The following DOCK5 variants were observed in gnomAD, a reference collection of about 807,000 sequenced individuals.
DOCK5 encodes the protein dedicator of cytokinesis protein 5.
A neutral mutation model predicts 251.8 loss-of-function variants in DOCK5; 142 were observed. The ratio of observed to expected loss-of-function variants is 0.56; its 90% CI spans 0.49 to 0.65. DOCK5 has a LOEUF of 0.65. Ranked by LOEUF, DOCK5 falls within the 30% of genes least tolerant of loss-of-function variation. DOCK5 has a pLI of 0.00. For missense variants in DOCK5, 2,111 were observed against 2,312.3 expected, an observed-to-expected ratio of 0.91 and a Z score of 1.79; for synonymous variants, 842 against 835.5, an observed-to-expected ratio of 1.01 and a Z score of -0.13.
intron 1 of DOCK5, among the ~76,000 whole-genome samples, chr8:25,232,848 T>C (rs1563317737): frequency 6.6e-6 from 1 of 152,168 alleles, no homozygotes; most frequent in Non-Finnish European, 1.5e-5. Flanking sequence ...AGTACCCTCA[T>C]ATTCCAAGCT....
chr8:25,357,145 T>C (rs1455428001), intron 27 of DOCK5, among the ~76,000 whole-genome samples: 1 of 151,372 alleles, frequency 6.6e-6, no homozygotes, highest in Non-Finnish European at 1.5e-5. Context: ...CTGTTTAATT[T>C]AGAGAAAAGG....
intron 1 of DOCK5, among the ~76,000 whole-genome samples, chr8:25,225,236 T>G (rs1264339200): frequency 7.2e-5 from 11 of 152,204 alleles, no homozygotes. Context: ...ATCCAGCAAT[T>G]CCACTTCTAG....
chr8:25,239,143 A>G (rs1802876743), intron 1 of DOCK5, among the ~76,000 whole-genome samples: 1 of 152,164 alleles, frequency 6.6e-6, no homozygotes. Flanking sequence ...CAAACCATGG[A>G]CTGAGCTCAG....
intron 27 of DOCK5, among the ~76,000 whole-genome samples, chr8:25,353,843 G>T (rs1800514471): frequency 6.6e-6 from 1 of 151,856 alleles, no homozygotes; most frequent in Non-Finnish European, 1.5e-5. Context: ...GGCCAACATG[G>T]TGAAACTCTG....
intron 40 of DOCK5, among the ~76,000 whole-genome samples, chr8:25,388,374 T>A (rs2117314555): frequency 6.6e-6 from 1 of 152,350 alleles, no homozygotes; most frequent in Non-Finnish European, 1.5e-5. Context: ...TGGCTATGTT[T>A]GCACTTGCCC....
In DOCK5 at chr8:25,358,993, C is replaced by A; in HGVS notation, c.2881C>A (p.Leu961Met). The A allele has an allele frequency of 6.2e-7, 1 of 1,613,938 alleles. No homozygotes were observed. Among genetic ancestry groups the A allele is most frequent in the Non-Finnish European group, 8.5e-7 (1 of 1,179,866 alleles). ...TTTTGTGGCTTGCATGATTGCCCTG[C>A]TGCAGCAAATGGACGACAGCCACTA... The part of the protein sequence containing the change: ...GSFVACMIAL[L>M]QQMDDSHYSH... The change falls in exon 28 of 52, where the codon CTG becomes ATG. Residue 961 changes from leucine (L) to methionine (M), a missense_variant. Physicochemically the swap from Leu to Met is conservative, Grantham distance 15. This residue lies in a region of DOCK5 where 1,717 missense variants were observed against 1,892.4 expected (regional missense o/e 0.91). Transcript: ENST00000276440.
intron 39 of DOCK5, among the ~76,000 whole-genome samples, chr8:25,381,577 G>A (rs1459799686): frequency 6.6e-6 from 1 of 151,440 alleles, no homozygotes; most frequent in African/African-American, 2.4e-5. Context: ...GCAGTGAACT[G>A]TAATCATGCT....
At chr8:25,346,887 T>C (rs1800380287) in intron 26 of DOCK5, among the ~76,000 whole-genome samples, 1 of 151,424 alleles carries the variant, frequency 6.6e-6, no homozygotes, top group Non-Finnish European at 1.5e-5. Context: ...CTAGAAATAG[T>C]GCAGCCCACA....
intron 2 of DOCK5, among the ~76,000 whole-genome samples, chr8:25,260,574 A>C (rs1465523205): frequency 6.6e-6 from 1 of 152,094 alleles, no homozygotes; most frequent in Non-Finnish European, 1.5e-5. Flanking sequence ...CATATTCATG[A>C]CTTTCTCTTT....
chr8:25,281,889 GAAA>G (rs57465549), intron 5 of DOCK5, among the ~76,000 whole-genome samples: 12,834 of 127,188 alleles, frequency 0.1, 704 homozygotes, highest in African/African-American at 0.18. Flanking sequence ...AAAAAAAAAA[GAAA>G]AAAAAAAAAA....
chr8:25,185,009 C>A, intron 1 of DOCK5, 58 bp downstream of exon 1: 2 of 1,297,436 alleles, frequency 1.5e-6, no homozygotes, highest in African/African-American at 1.5e-5. Flanking sequence ...TCGCGGACAG[C>A]GGCCCTGCCA....
chr8:25,369,437 C>G, intron 33 of DOCK5, 119 bp from the exon 34 acceptor site: 1 of 752,178 alleles, frequency 1.3e-6, no homozygotes, highest in East Asian at 2.7e-5. Flanking sequence ...TGTGATCCTC[C>G]CTGTCTGTGC....
intron 45 of DOCK5, among the ~76,000 whole-genome samples, chr8:25,396,763 CGTGTGTGTGTGTGTGTGT>C (rs5890230): frequency 1.4e-5 from 2 of 147,156 alleles, no homozygotes; most frequent in African/African-American, 2.5e-5. Context: ...CTCTTGTGTC[CGTGTGTGTGTGTGTGTGT>C]GTGTGTGTGT....
At chr8:25,241,916 C>T (rs1342656073) in intron 1 of DOCK5, among the ~76,000 whole-genome samples, 1 of 151,824 alleles carries the variant, frequency 6.6e-6, no homozygotes, top group Non-Finnish European at 1.5e-5. Context: ...GAAAACCAAA[C>T]ACCACATGTT....
At chr8:25,380,074 C>G (rs1801038307) in intron 38 of DOCK5, among the ~76,000 whole-genome samples, 1 of 152,176 alleles carries the variant, frequency 6.6e-6, no homozygotes, top group Non-Finnish European at 1.5e-5. Flanking sequence ...AATGTCCGTG[C>G]AAACAGAACT....
intron 5 of DOCK5, among the ~76,000 whole-genome samples, chr8:25,291,269 A>G (rs1804477860): frequency 2.0e-5 from 3 of 152,180 alleles, no homozygotes; most frequent in Admixed American, 2.0e-4. Flanking sequence ...CAGTTTCCAC[A>G]GTTGCAAGAG....
chr8:25,403,740 T>A lies in DOCK5; in HGVS notation c.5093+16T>A. On this transcript the variant is annotated intron_variant, in intron 48 of 51. Coordinates refer to ENST00000276440, the MANE Select transcript of DOCK5 (RefSeq NM_024940.8). Reference sequence around the variant, plus strand: ...GATCTGATGGGTAAGGGTTTCATCTTTAATCTGCAGGAAGGGTGGGGTAAC... The same window carrying A: ...GATCTGATGGGTAAGGGTTTCATCTATAATCTGCAGGAAGGGTGGGGTAAC... 4.3e-6 allele frequency: 7 copies of A among 1,613,228 alleles called. No individual in the cohort carries two copies. The highest frequency in any genetic ancestry group is 5.9e-6 in the Non-Finnish European group (7 of 1,179,340).
intron 27 of DOCK5, among the ~76,000 whole-genome samples, chr8:25,355,574 C>G (rs1800552676): frequency 6.6e-6 from 1 of 152,114 alleles, no homozygotes; most frequent in Non-Finnish European, 1.5e-5. Context: ...CTCAGCCTCC[C>G]AAATAGCTGG....
At chr8:25,322,269 A>G (rs1026364372) in intron 16 of DOCK5, among the ~76,000 whole-genome samples, 2 of 152,342 alleles carry the variant, frequency 1.3e-5, no homozygotes, top group East Asian at 1.9e-4. Context: ...ACGGAATAGT[A>G]TGATATGTAC....
Sources: allele counts gnomAD v4.1 joint callset (sites outside exome capture counted in the v4.1 genomes callset), GRCh38; gene constraint gnomAD v4.1.1; regional missense constraint gnomAD v4.1.1; transcripts MANE v1.5; gene names NCBI Gene and HGNC (gene_info 2026-07-23, HGNC 2026-07-21).